ZNFX1: variants seen among roughly 807,000 people sequenced by gnomAD.
The protein encoded by ZNFX1 is NFX1-type zinc finger-containing protein 1.
A neutral mutation model predicts 179.8 loss-of-function variants in ZNFX1; 78 were observed. The observed-to-expected ratio is 0.43, with a 90% CI of 0.36 to 0.52. The LOEUF is 0.52. Among genes scored for constraint, ZNFX1 ranks in the 20% least tolerant of loss-of-function variants. The probability of loss-of-function intolerance (pLI) is 0.00; values close to 1 mark genes in which losing one functional copy is unlikely to be tolerated. For missense variants in ZNFX1, 1,927 were observed against 2,386.6 expected (o/e 0.81, Z 4.01); for synonymous variants, 848 against 868.5 (o/e 0.98, Z 0.42).
chr20:49,260,377 C>T, intron 7 of ZNFX1, 86 bp downstream of exon 7: 19 of 744,260 alleles, frequency 2.6e-5, no homozygotes, highest in South Asian at 1.1e-4. Context: ...TTTATTTATT[C>T]TGGGAATTAT....
At chr20:49,258,070 C>A (rs1012061493) in intron 7 of ZNFX1, among the ~76,000 whole-genome samples, 1 of 150,132 alleles carries the variant, frequency 6.7e-6, no homozygotes, top group African/African-American at 2.5e-5. Context: ...AGCTCAGATG[C>A]ATGAAGACAT....
chr20:49,271,312 C>T lies in ZNFX1; in HGVS notation c.500G>A (p.Ser167Asn). ...AGAAAGGAGCTCTTTCAGCCCTAAA[C>T]TTGTGGCAAGTGTGATGACCACCTC... Reference protein sequence around the residue: ...PSEVVITLATSLGLKELLSHS... With the variant: ...PSEVVITLATNLGLKELLSHS... Residue 167 changes from serine (S) to asparagine (N), a missense_variant, in exon 3 of 14, where the codon AGT becomes AAT. By Grantham distance (46) the Ser-to-Asn change is conservative. Coordinates refer to ENST00000396105, the MANE Select transcript of ZNFX1 (RefSeq NM_021035.3). 1 of 1,614,180 alleles carries T rather than the reference C, an allele frequency of 6.2e-7. No homozygotes were observed.
rs765972795 is a variant in ZNFX1, at chr20:49,263,521, T to C, written c.2152-38A>G. On this transcript the variant is annotated intron_variant, in intron 5 of 13. Transcript: ENST00000396105. ...GAGGGAAAGAAATGATGAGGAAATATCATCATCCCCCAAACTCAGTCCTCA... is the reference window on the plus strand; with the variant it reads ...GAGGGAAAGAAATGATGAGGAAATACCATCATCCCCCAAACTCAGTCCTCA... The C allele has an allele frequency of 1.0e-5, 16 of 1,553,118 alleles. No individual in the cohort carries two copies. The African/African-American group carries it at 1.9e-4, about 19-fold the overall frequency.
Position 49,275,862 on chromosome 20 carries a change from C to A in ZNFX1, c.-23G>T. The A allele has an allele frequency of 1.2e-6, 2 of 1,613,666 alleles. No individual in the cohort carries two copies. Among genetic ancestry groups the A allele is most frequent in the Non-Finnish European group, 1.7e-6 (2 of 1,179,608 alleles). Reference sequence around the variant, plus strand: ...CATGTCTGAGTCACCTGAATTCCTTCACGTTACTTTCTGTTATCTGGAAAA... The same window carrying A: ...CATGTCTGAGTCACCTGAATTCCTTAACGTTACTTTCTGTTATCTGGAAAA... On this transcript the variant is annotated 5_prime_UTR_variant, in exon 2 of 14. Transcript: ENST00000396105.
intron 7 of ZNFX1, among the ~76,000 whole-genome samples, chr20:49,258,602 T>G (rs1981033369): frequency 6.6e-6 from 1 of 151,550 alleles, no homozygotes. Context: ...CGTCAGGAGT[T>G]CGAGACCAGC....
At chr20:49,275,552 T>C (rs908443832) in intron 2 of ZNFX1, among the ~76,000 whole-genome samples, 4 of 152,130 alleles carry the variant, frequency 2.6e-5, no homozygotes, top group Admixed American at 6.5e-5. Context: ...AGAAAGCCTA[T>C]TGCCATGTTG....
Position 49,254,619 on chromosome 20 carries a change from G to A in ZNFX1, c.2835C>T (p.Thr945=). 6.2e-7 allele frequency: 1 copy of A among 1,614,116 alleles called. No individual in the cohort carries two copies. ...GTTCATAGCTGAGGATCTTCCGGCG[G>A]GTGTCAGCCTGGTACAACTGTAGCC... ...RLWLQLYQAD[T]RRKILSYERQ... Residue 945 remains threonine, a synonymous_variant, in exon 10 of 14, where the codon ACC becomes ACT. Coordinates refer to ENST00000396105, the MANE Select transcript of ZNFX1 (RefSeq NM_021035.3).
At chr20:49,267,998 C>T (rs182407141) in intron 3 of ZNFX1, among the ~76,000 whole-genome samples, 3,105 of 152,126 alleles carry the variant, frequency 0.02, 34 homozygotes, top group Non-Finnish European at 0.031. Flanking sequence ...CTCAGCCTCC[C>T]GAGTAGCTGG....
At position 49,254,577 on chromosome 20, in the gene ZNFX1, T is replaced by C. The variant is rs1980922938; in HGVS notation, c.2877A>G (p.Ser959=). 2 of 1,614,062 alleles carry C rather than the reference T, an allele frequency of 1.2e-6. No individual in the cohort carries two copies. Among genetic ancestry groups the C allele is most frequent in the Non-Finnish European group, 1.7e-6 (2 of 1,180,040 alleles). Residue 959 remains serine (S), a synonymous_variant, in exon 10 of 14, where the codon TCA becomes TCG. Transcript: ENST00000396105. ...GTCTCAGCTCGGCCATTCTTTCTGC[T>C]GATGTGCGGTACTGGCGTTCATAGC... ...ILSYERQYRT[S]AERMAELRLQ... is the part of the protein sequence containing the mutation.
intron 12 of ZNFX1, among the ~76,000 whole-genome samples, chr20:49,252,168 A>T (rs1980855567): frequency 1.4e-5 from 2 of 145,202 alleles, no homozygotes; most frequent in Non-Finnish European, 1.5e-5. Context: ...TCTGAGACAG[A>T]ATCTAGCTCT....
In ZNFX1 at chr20:49,247,110, G is replaced by A. The variant is rs999701280; in HGVS notation, c.*157C>T. On this transcript the variant is annotated 3_prime_UTR_variant, in exon 14 of 14. Coordinates refer to ENST00000396105, the MANE Select transcript of ZNFX1 (RefSeq NM_021035.3). ...TCTCGAACTCCTGACCTCGTGATCC[G>A]CCTGCCTCGGCCTCCCAAAGTGCTG... The A allele has an allele frequency of 5.8e-5, 56 of 957,864 alleles. No individual in the cohort carries two copies. The highest frequency in any genetic ancestry group is 1.8e-4 in the African/African-American group (11 of 60,498). The allele number at this position is 957,864 out of a possible 1,614,324, so 59.3% of individuals were successfully genotyped here.
intron 2 of ZNFX1, among the ~76,000 whole-genome samples, chr20:49,274,070 T>G (rs1201462845): frequency 1.3e-5 from 2 of 152,214 alleles, no homozygotes; most frequent in African/African-American, 4.8e-5. Context: ...TTTTAGAAAG[T>G]GCTGAGCAAG....
In ZNFX1 at chr20:49,270,692, G is replaced by A. The variant is rs928025799; in HGVS notation, c.1120C>T (p.Arg374Trp). Reference protein sequence around the residue: ...STAIYLDTHFRLLREDFVRPL... With the variant: ...STAIYLDTHFWLLREDFVRPL... Reference sequence around the variant, plus strand: ...CTGACGAAATCTTCTCGCAGGAGCCGGAAGTGGGTATCCAGATAGATAGCA... The same window carrying A: ...CTGACGAAATCTTCTCGCAGGAGCCAGAAGTGGGTATCCAGATAGATAGCA... The change falls in exon 3 of 14, where the codon CGG becomes TGG. Residue 374 changes from arginine to tryptophan, a missense_variant. Physicochemically the swap from Arg to Trp is moderately radical, Grantham distance 101 (BLOSUM62 -3). Coordinates refer to ENST00000396105, the MANE Select transcript of ZNFX1 (RefSeq NM_021035.3). The surrounding 1 kb of genome is among the most constrained non-coding windows in gnomAD (Gnocchi z 4.6). 6.8e-6 allele frequency: 11 copies of A among 1,614,150 alleles called. No individual in the cohort carries two copies. The highest frequency in any genetic ancestry group is 2.7e-5 in the African/African-American group (2 of 75,018).
At chr20:49,261,029 G>A (rs1481464200) in intron 6 of ZNFX1, among the ~76,000 whole-genome samples, 1 of 152,152 alleles carries the variant, frequency 6.6e-6, no homozygotes, top group African/African-American at 2.4e-5. Context: ...TGCAGTGAGT[G>A]GAGATTGTGC....
intron 13 of ZNFX1, among the ~76,000 whole-genome samples, chr20:49,250,588 G>A (rs1343873888): frequency 6.6e-6 from 1 of 151,562 alleles, no homozygotes; most frequent in Non-Finnish European, 1.5e-5. Flanking sequence ...CACTCTTGTT[G>A]CGTAGGCTGA....
intron 13 of ZNFX1, among the ~76,000 whole-genome samples, chr20:49,251,173 C>T (rs952554104): frequency 4.0e-5 from 6 of 151,898 alleles, no homozygotes; most frequent in Non-Finnish European, 8.8e-5. Flanking sequence ...AGTCTCTCTC[C>T]GCTGCCCAGC....
intron 12 of ZNFX1, 32 bp from the exon 13 acceptor site, chr20:49,251,654 T>A (rs1176661131): frequency 6.4e-7 from 1 of 1,566,254 alleles, no homozygotes; most frequent in Admixed American, 1.8e-5. Flanking sequence ...ATTAGAAACA[T>A]GGGCAGAGCA....
In ZNFX1 at chr20:49,249,718, G is replaced by C; in HGVS notation, c.3313-7C>G. The C allele has an allele frequency of 6.2e-7, 1 of 1,602,196 alleles. No individual in the cohort carries two copies. The highest frequency in any genetic ancestry group is 1.1e-5 in the South Asian group (1 of 89,746). ...AAAGGTTGGAAGACACCCCCTGACAGGGAAAAGAAGTGACATGTTAAAAGG... is the reference window on the plus strand; with the variant it reads ...AAAGGTTGGAAGACACCCCCTGACACGGAAAAGAAGTGACATGTTAAAAGG... On this transcript the variant is annotated splice_polypyrimidine_tract_variant and splice_region_variant and intron_variant, in intron 13 of 13. Coordinates refer to ENST00000396105, the MANE Select transcript of ZNFX1 (RefSeq NM_021035.3).
intron 13 of ZNFX1, 97 bp downstream of exon 13, chr20:49,251,430 C>G (rs557046411): frequency 1.8e-6 from 2 of 1,097,856 alleles, no homozygotes; most frequent in South Asian, 2.7e-5. Context: ...TGTGAGCCAC[C>G]GCGCCTGGCC....
Sources: allele counts gnomAD v4.1 joint callset (sites outside exome capture counted in the v4.1 genomes callset), GRCh38; gene constraint gnomAD v4.1.1; non-coding constraint Gnocchi (gnomAD v3.1); transcripts MANE v1.5; gene names NCBI Gene and HGNC (gene_info 2026-07-23, HGNC 2026-07-21).